SLC24A3: variants seen among roughly 807,000 people sequenced by gnomAD.
SLC24A3 encodes the protein sodium/potassium/calcium exchanger 3.
Under a neutral mutation model 75.8 loss-of-function variants are expected in SLC24A3, and 28 were observed. The ratio of observed to expected loss-of-function variants is 0.37; its 90% confidence interval spans 0.27 to 0.51. The LOEUF (loss-of-function observed/expected upper bound fraction) is 0.51, where lower values mean the gene tolerates loss of function less well. Among genes scored for constraint, SLC24A3 ranks in the 20% least tolerant of loss-of-function variants. The pLI, the probability that SLC24A3 is intolerant of heterozygous loss-of-function variation, is 0.94. For synonymous variants in SLC24A3, 372 were observed against 334.1 expected, an observed-to-expected ratio of 1.11 and a Z score of -1.24; for missense variants, 663 against 847.8, an observed-to-expected ratio of 0.78 and a Z score of 2.71.
chr20:19,680,880 G>C (rs989459824), intron 9 of SLC24A3, among the ~76,000 whole-genome samples: 1 of 152,202 alleles, frequency 6.6e-6, no homozygotes. Flanking sequence ...TAGGTTGAGT[G>C]GCCTTCCAGC....
intron 6 of SLC24A3, among the ~76,000 whole-genome samples, chr20:19,598,179 A>G (rs1230231450): frequency 6.6e-6 from 1 of 151,990 alleles, no homozygotes; most frequent in Non-Finnish European, 1.5e-5. Context: ...TTCTAGGCCA[A>G]TCTCCTTTTA....
chr20:19,558,725 AC>A (rs902712453), intron 3 of SLC24A3, among the ~76,000 whole-genome samples: 12 of 152,198 alleles, frequency 7.9e-5, no homozygotes, highest in Non-Finnish European at 1.3e-4. Flanking sequence ...TCATATCAGT[AC>A]ATGGTGTTGA....
rs1242743568 is a variant in SLC24A3 at position 19,569,448 on chromosome 20, G to A, written c.349-10552G>A. 2.6e-5 allele frequency among the ~76,000 whole-genome samples: 4 copies of A among 151,926 alleles called. No individual in the cohort carries two copies. In the South Asian group the frequency reaches 8.3e-4, roughly 32 times the overall value. On this transcript the variant is annotated intron_variant, in intron 3 of 16. Coordinates refer to ENST00000328041, the MANE Select transcript of SLC24A3 (RefSeq NM_020689.4). ...CCTGTGGCCCTCCTGTCCCACTTGT[G>A]CCTCCCATTTCCTTTCCATCCTTTC... is the stretch of plus-strand genomic sequence containing the variant.
intron 2 of SLC24A3, among the ~76,000 whole-genome samples, chr20:19,506,792 A>T (rs1339739813): frequency 2.0e-5 from 3 of 152,180 alleles, no homozygotes; most frequent in Non-Finnish European, 4.4e-5. Flanking sequence ...TTTAACTAGT[A>T]TTGAGTATGG....
intron 3 of SLC24A3, among the ~76,000 whole-genome samples, chr20:19,564,570 G>A (rs1457422973): frequency 6.6e-6 from 1 of 152,112 alleles, no homozygotes; most frequent in Admixed American, 6.6e-5. Context: ...AGTGGAGTCA[G>A]CAGTGATTCC....
intron 1 of SLC24A3, among the ~76,000 whole-genome samples, chr20:19,256,432 A>G (rs1490620693): frequency 6.6e-6 from 1 of 152,154 alleles, no homozygotes; most frequent in Non-Finnish European, 1.5e-5. Context: ...AACTCTGTAA[A>G]TATATGAAAA....
chr20:19,502,187 G>A lies in SLC24A3; in HGVS notation c.272-13301G>A, dbSNP rs534368001. On this transcript the variant is annotated intron_variant, in intron 2 of 16. Coordinates refer to ENST00000328041, the MANE Select transcript of SLC24A3 (RefSeq NM_020689.4). ...CAGGCAGAAAGCAGCAGTCTTACTC[G>A]GTTGAGGCATCAGAGATTGGAGCTT... 9.9e-5 allele frequency among the ~76,000 whole-genome samples: 15 copies of A among 152,212 alleles called. No homozygotes were observed. In the South Asian group the frequency reaches 2.5e-3, roughly 25 times the overall value.
At chr20:19,607,878 C>T (rs6075542) in intron 6 of SLC24A3, among the ~76,000 whole-genome samples, 26,526 of 152,226 alleles carry the variant, frequency 0.17, 2,304 homozygotes, top group East Asian at 0.26. Context: ...GGTCACATCC[C>T]AGTAGCCCTT....
intron 11 of SLC24A3, among the ~76,000 whole-genome samples, chr20:19,684,871 T>C (rs543425454): frequency 7.9e-5 from 12 of 152,286 alleles, no homozygotes; most frequent in Non-Finnish European, 1.5e-4. Flanking sequence ...AGAACTTTCC[T>C]CTAAAGGGAT....
chr20:19,220,703 C>T (rs569239799), intron 1 of SLC24A3, among the ~76,000 whole-genome samples: 1 of 152,284 alleles, frequency 6.6e-6, no homozygotes, highest in South Asian at 2.1e-4. Flanking sequence ...TGGTTAGCTC[C>T]GTGCTTCTCA....
intron 2 of SLC24A3, among the ~76,000 whole-genome samples, chr20:19,509,565 A>AC (rs1244194602): frequency 2.0e-5 from 3 of 152,158 alleles, no homozygotes; most frequent in Non-Finnish European, 4.4e-5. Context: ...CCCCACACAC[A>AC]CCTGCAAGGC....
intron 6 of SLC24A3, among the ~76,000 whole-genome samples, chr20:19,618,820 G>A (rs1246871311): frequency 1.3e-5 from 2 of 152,190 alleles, no homozygotes; most frequent in African/African-American, 4.8e-5. Flanking sequence ...AATTCTCAAG[G>A]CATAGCCCTT....
At chr20:19,368,423 TC>T (rs1275278122) in intron 2 of SLC24A3, among the ~76,000 whole-genome samples, 1 of 152,228 alleles carries the variant, frequency 6.6e-6, no homozygotes, top group Non-Finnish European at 1.5e-5. Flanking sequence ...TGGTGTCACT[TC>T]ATGGTCCTCC....
chr20:19,438,721 T>C (rs969819865), intron 2 of SLC24A3, among the ~76,000 whole-genome samples: 4 of 152,188 alleles, frequency 2.6e-5, no homozygotes, highest in Non-Finnish European at 4.4e-5. Context: ...AGCAATCTGC[T>C]CATTGGCCTC....
intron 1 of SLC24A3, chr20:19,244,156 T>C (rs1372311999): frequency 6.6e-6 from 1 of 152,222 alleles, no homozygotes. Context: ...TCCAGGCCTT[T>C]ATCCCTTCAT....
At chr20:19,480,353 A>T (rs1036051308) in intron 2 of SLC24A3, among the ~76,000 whole-genome samples, 4 of 152,214 alleles carry the variant, frequency 2.6e-5, no homozygotes, top group South Asian at 2.1e-4. Flanking sequence ...GGTCACTCAT[A>T]CATATAAATA....
At chr20:19,612,444 A>G (rs1041029930) in intron 6 of SLC24A3, among the ~76,000 whole-genome samples, 5 of 152,224 alleles carry the variant, frequency 3.3e-5, no homozygotes, top group African/African-American at 1.2e-4. Context: ...GAAATGATCA[A>G]TGTTCAAGGT....
intron 2 of SLC24A3, among the ~76,000 whole-genome samples, chr20:19,424,922 C>A (rs935771034): frequency 1.3e-5 from 2 of 152,054 alleles, no homozygotes; most frequent in Non-Finnish European, 2.9e-5. Context: ...CACAAAGGAA[C>A]TTTATAGGTC....
At chr20:19,666,982 A>G (rs1568690782) in intron 8 of SLC24A3, among the ~76,000 whole-genome samples, 1 of 152,244 alleles carries the variant, frequency 6.6e-6, no homozygotes, top group Non-Finnish European at 1.5e-5. Context: ...GAAATAACAT[A>G]TTAGGAATAG....
Sources: allele counts gnomAD v4.1 joint callset (sites outside exome capture counted in the v4.1 genomes callset), GRCh38; gene constraint gnomAD v4.1.1; transcripts MANE v1.5; gene names NCBI Gene and HGNC (gene_info 2026-07-23, HGNC 2026-07-21).